Variants in PWP1 observed in about 807,000 individuals in gnomAD.
The protein encoded by PWP1 is PWP1 homolog, endonuclein.
A neutral mutation model predicts 69.9 loss-of-function variants in PWP1; 47 were observed. The observed-to-expected ratio is 0.67, with a 90% CI of 0.53 to 0.86. The LOEUF is 0.86. Among genes scored for constraint, PWP1 ranks in the 40% least tolerant of loss-of-function variants. PWP1 has a pLI of 0.00. For missense variants in PWP1, 551 were observed against 608.8 expected (o/e 0.91, Z 1.00); for synonymous variants, 222 against 208.2 (o/e 1.07, Z -0.57).
intron 13 of PWP1, among the ~76,000 whole-genome samples, chr12:107,710,089 G>A (rs908795070): frequency 2.8e-4 from 42 of 152,220 alleles, no homozygotes; most frequent in Middle Eastern, 3.4e-3. Context: ...AAAGTTTCTG[G>A]AAATACATGG....
intron 1 of PWP1, among the ~76,000 whole-genome samples, 154 bp from the exon 2 acceptor site, chr12:107,688,294 A>C (rs1889412796): frequency 6.6e-6 from 1 of 152,078 alleles, no homozygotes; most frequent in African/African-American, 2.4e-5. Context: ...TAAAATCTAT[A>C]TTTTTTAATA....
chr12:107,688,026 G>A (rs1276115509), intron 1 of PWP1, among the ~76,000 whole-genome samples: 1 of 64,384 alleles, frequency 1.6e-5, no homozygotes, highest in African/African-American at 6.5e-5. Context: ...GCGAGACTCC[G>A]TCTCAAAAAA....
chr12:107,700,971 C>A (rs1053713948), intron 8 of PWP1, among the ~76,000 whole-genome samples: 4 of 152,092 alleles, frequency 2.6e-5, no homozygotes, highest in South Asian at 2.1e-4. Context: ...CTCAAGCAAT[C>A]CCCCCGCCTC....
chr12:107,710,690 C>T (rs1186339387), intron 14 of PWP1, among the ~76,000 whole-genome samples, 180 bp downstream of exon 14: 1 of 152,104 alleles, frequency 6.6e-6, no homozygotes, highest in Non-Finnish European at 1.5e-5. Flanking sequence ...GCTGGCCTCT[C>T]CTCTTTCTGA....
intron 5 of PWP1, among the ~76,000 whole-genome samples, chr12:107,695,234 C>T (rs1259215750): frequency 6.6e-6 from 1 of 151,894 alleles, no homozygotes; most frequent in African/African-American, 2.4e-5. Context: ...TCACTGCACT[C>T]CAGCCTGGGC....
intron 3 of PWP1, 56 bp from the exon 4 acceptor site, chr12:107,692,756 AAT>A: frequency 1.4e-6 from 2 of 1,396,992 alleles, no homozygotes; most frequent in Non-Finnish European, 2.0e-6. Context: ...TGTCATAGGA[AAT>A]ATGTTTTTGT....
At chr12:107,701,472 T>G (rs1889709212) in intron 8 of PWP1, among the ~76,000 whole-genome samples, 1 of 152,246 alleles carries the variant, frequency 6.6e-6, no homozygotes, top group Non-Finnish European at 1.5e-5. Context: ...TTTCTTTTGT[T>G]GTTCATGCTT....
rs1223261609 is a variant in PWP1 at position 107,710,523 on chromosome 12, A to G, written c.1396+13A>G. Reference sequence around the variant, plus strand: ...ACAGTCTCTTCAGGTAAGGATTTTTAGTTCTCTGCACACCTCCCCCTGCCC... The same window carrying G: ...ACAGTCTCTTCAGGTAAGGATTTTTGGTTCTCTGCACACCTCCCCCTGCCC... On this transcript the variant is annotated intron_variant, in intron 14 of 14. Coordinates refer to ENST00000412830, the MANE Select transcript of PWP1 (RefSeq NM_007062.3). The G allele has an allele frequency of 1.5e-6, 2 of 1,369,712 alleles. No individual in the cohort carries two copies. Among genetic ancestry groups the G allele is most frequent in the Non-Finnish European group, 2.0e-6 (2 of 1,000,398 alleles). The allele number at this position is 1,369,712 out of a possible 1,614,324, so 84.8% of individuals were successfully genotyped here.
At chr12:107,692,534 A>G in intron 3 of PWP1, 1 of 303,400 alleles carries the variant, frequency 3.3e-6, no homozygotes, top group Non-Finnish European at 6.1e-6. Context: ...ATCTCAAGAG[A>G]GTTCTCATAT....
chr12:107,693,191 T>C, intron 5 of PWP1, 95 bp downstream of exon 5: 1 of 1,468,798 alleles, frequency 6.8e-7, no homozygotes, highest in Non-Finnish European at 9.0e-7. Context: ...CAGATCCTAT[T>C]GTATCTCATT....
At chr12:107,694,572 A>T (rs1005854920) in intron 5 of PWP1, among the ~76,000 whole-genome samples, 1 of 152,218 alleles carries the variant, frequency 6.6e-6, no homozygotes, top group Non-Finnish European at 1.5e-5. Flanking sequence ...TTAATGTGAA[A>T]TTATTCTTTC....
chr12:107,706,224 C>CGAA (rs1566082493), intron 11 of PWP1, among the ~76,000 whole-genome samples: 1 of 152,128 alleles, frequency 6.6e-6, no homozygotes. Flanking sequence ...TCATATCCTT[C>CGAA]GCCCACTTTT....
intron 5 of PWP1, among the ~76,000 whole-genome samples, chr12:107,694,744 T>G (rs1376721249): frequency 6.6e-6 from 1 of 152,186 alleles, no homozygotes; most frequent in African/African-American, 2.4e-5. Flanking sequence ...TTAACAGTCA[T>G]TCCTTTGAAC....
rs180989848 is a variant in PWP1, at chr12:107,707,568, C to T, written c.1078-1358C>T. ...TAGCTCTTATTATTTTGAGATATGT[C>T]TCATCAATACCGAATTTATTGAGAG... On this transcript the variant is annotated intron_variant, in intron 11 of 14. Transcript: ENST00000412830. Among the ~76,000 whole-genome samples, 19 of 152,218 alleles carry T rather than the reference C, an allele frequency of 1.2e-4. No individual in the cohort carries two copies. In the East Asian group the frequency reaches 3.7e-3, roughly 29 times the overall value.
intron 8 of PWP1, among the ~76,000 whole-genome samples, chr12:107,699,923 A>G (rs1889671650): frequency 6.6e-6 from 1 of 152,184 alleles, no homozygotes; most frequent in African/African-American, 2.4e-5. Context: ...TAATTGATTC[A>G]CAGTTCTGTA....
At chr12:107,698,160 G>C (rs1437193533) in intron 7 of PWP1, among the ~76,000 whole-genome samples, 1 of 152,110 alleles carries the variant, frequency 6.6e-6, no homozygotes, top group Non-Finnish European at 1.5e-5. Flanking sequence ...TCAGGAGTTC[G>C]AGACCAGCCT....
Position 107,697,516 on chromosome 12 carries a change from CCTTGATAT to C in PWP1, c.664_671del (p.Leu222SerfsTer13), listed in dbSNP as rs1412234285. 1 of 1,607,406 alleles carries C rather than the reference CCTTGATAT, an allele frequency of 6.2e-7. No individual in the cohort carries two copies. The highest frequency in any genetic ancestry group is 8.5e-7 in the Non-Finnish European group (1 of 1,177,624). ...TGACCCCTGTTATTGAAGTGTGGGA[CCTTGATAT>C]AGTGGACTCTTTAGAGCCAGTCTTC... On this transcript the variant is annotated frameshift_variant, in exon 7 of 15. Coordinates refer to ENST00000412830, the MANE Select transcript of PWP1 (RefSeq NM_007062.3). LOFTEE classifies it high-confidence loss of function.
chr12:107,712,023 A>T, intron 14 of PWP1, 88 bp from the exon 15 acceptor site: 1 of 1,045,660 alleles, frequency 9.6e-7, no homozygotes. Context: ...TAAAGTACTA[A>T]GTGCACAATT....
chr12:107,709,035 T>G lies in PWP1; in HGVS notation c.1168+19T>G, dbSNP rs773152598. ...ATCTCTGGTGAGCAAGAGTAATGCT[T>G]CTTTCATTTTTCTTAACTTATGATG... On this transcript the variant is annotated intron_variant, in intron 12 of 14. Transcript: ENST00000412830. The G allele has an allele frequency of 4.5e-5, 73 of 1,613,516 alleles. No individual in the cohort carries two copies. The highest frequency in any genetic ancestry group is 3.3e-4 in the Middle Eastern group (2 of 6,076).
Sources: allele counts gnomAD v4.1 joint callset (sites outside exome capture counted in the v4.1 genomes callset), GRCh38; gene constraint gnomAD v4.1.1; transcripts MANE v1.5; gene names NCBI Gene and HGNC (gene_info 2026-07-23, HGNC 2026-07-21).